Variants in ADGRG6 observed in about 807,000 individuals in gnomAD.
ADGRG6 encodes the protein G-protein coupled receptor 126.
A neutral mutation model predicts 142.4 loss-of-function variants in ADGRG6; 84 were observed. That is an observed-to-expected ratio of 0.59 (90% CI 0.49 to 0.71). ADGRG6 has a LOEUF of 0.71. ADGRG6 is among the 30% of genes least tolerant of loss of function. ADGRG6 has a pLI of 0.00. For missense variants in ADGRG6, 1,367 were observed against 1,466.6 expected (o/e 0.93, Z 1.11); for synonymous variants, 521 against 520.5 (o/e 1.00, Z -0.01).
At chr6:142,419,601 T>C (rs1168947675) in intron 21 of ADGRG6, among the ~76,000 whole-genome samples, 1 of 152,128 alleles carries the variant, frequency 6.6e-6, no homozygotes, top group Non-Finnish European at 1.5e-5. Flanking sequence ...CTTTGTAATA[T>C]TGGCTTACCT....
intron 22 of ADGRG6, among the ~76,000 whole-genome samples, chr6:142,432,896 G>T (rs1031819848): frequency 6.6e-6 from 1 of 152,090 alleles, no homozygotes; most frequent in South Asian, 2.1e-4. Context: ...GACTACTAAG[G>T]TTACAAAAGA....
chr6:142,316,920 G>A (rs972520871), intron 2 of ADGRG6, among the ~76,000 whole-genome samples: 3 of 151,994 alleles, frequency 2.0e-5, no homozygotes, highest in Admixed American at 6.6e-5. Context: ...TCTCCTGGTT[G>A]GCTCATCAGA....
At chr6:142,312,066 TC>T (rs1006871499) in intron 2 of ADGRG6, among the ~76,000 whole-genome samples, 1 of 151,990 alleles carries the variant, frequency 6.6e-6, no homozygotes, top group African/African-American at 2.4e-5. Context: ...TCCCTATCCC[TC>T]AATTCAAAGG....
chr6:142,414,222 C>G (rs1376546349), intron 18 of ADGRG6, among the ~76,000 whole-genome samples: 2 of 151,968 alleles, frequency 1.3e-5, no homozygotes, highest in Non-Finnish European at 2.9e-5. Context: ...ATTTTTCTAC[C>G]AAGTCCAGAC....
chr6:142,437,691 G>C (rs953542096), intron 23 of ADGRG6, among the ~76,000 whole-genome samples, 156 bp downstream of exon 23: 1 of 152,064 alleles, frequency 6.6e-6, no homozygotes, highest in Non-Finnish European at 1.5e-5. Context: ...ATCAGGGCTG[G>C]AAGAGATCAG....
intron 22 of ADGRG6, among the ~76,000 whole-genome samples, chr6:142,434,546 C>A (rs927698657): frequency 6.6e-6 from 1 of 152,040 alleles, no homozygotes; most frequent in Non-Finnish European, 1.5e-5. Flanking sequence ...GGCTGGTCAG[C>A]TCCTGACCTC....
intron 2 of ADGRG6, among the ~76,000 whole-genome samples, chr6:142,361,910 G>A (rs190411818): frequency 1.4e-4 from 22 of 151,956 alleles, no homozygotes; most frequent in Admixed American, 1.4e-3. Flanking sequence ...ATACCCATGT[G>A]CTTGTGTGTC....
chr6:142,389,184 C>A (rs1774740891), intron 6 of ADGRG6, among the ~76,000 whole-genome samples: 1 of 151,956 alleles, frequency 6.6e-6, no homozygotes. Context: ...ACTGGAAAGA[C>A]ATTCCTTTGG....
In ADGRG6 at chr6:142,444,142, C is replaced by G. The variant is rs1266936043; in HGVS notation, c.*627C>G. Reference sequence around the variant, plus strand: ...AAGAAAACTTTCCCAAAATGTTGACCTAGTTAAATGAGGCTATATAAATTT... The same window carrying G: ...AAGAAAACTTTCCCAAAATGTTGACGTAGTTAAATGAGGCTATATAAATTT... On this transcript the variant is annotated 3_prime_UTR_variant, in exon 25 of 25. Coordinates refer to ENST00000367609, the MANE Select transcript of ADGRG6 (RefSeq NM_198569.3). 6.6e-6 allele frequency: 1 copy of G among 152,146 alleles called. No individual in the cohort carries two copies. The highest frequency in any genetic ancestry group is 2.4e-5 in the African/African-American group (1 of 41,446). 9.4% of individuals were successfully genotyped at this position (152,146 alleles called of 1,614,324 possible).
rs1433527848 is a variant in ADGRG6 at position 142,309,531 on chromosome 6, T to G, written c.3-13T>G. 6.3e-7 allele frequency: 1 copy of G among 1,590,778 alleles called. No homozygotes were observed. Among genetic ancestry groups the G allele is most frequent in the East Asian group, 2.2e-5 (1 of 44,546 alleles). Reference sequence around the variant, plus strand: ...ATGTTGAATGTCCTAATTGCCATCTTCTTTCTTTGCAGGATGTTTCGCTCA... The same window carrying G: ...ATGTTGAATGTCCTAATTGCCATCTGCTTTCTTTGCAGGATGTTTCGCTCA... On this transcript the variant is annotated splice_polypyrimidine_tract_variant and intron_variant, in intron 1 of 24. Coordinates refer to ENST00000367609, the MANE Select transcript of ADGRG6 (RefSeq NM_198569.3).
intron 7 of ADGRG6, 148 bp downstream of exon 7, chr6:142,390,491 G>A: frequency 2.1e-6 from 1 of 465,212 alleles, no homozygotes; most frequent in Non-Finnish European, 4.0e-6. Flanking sequence ...GTGAGGTGTT[G>A]TCCTTATGCA....
intron 22 of ADGRG6, among the ~76,000 whole-genome samples, chr6:142,422,250 G>C (rs1433750314): frequency 6.6e-6 from 1 of 151,756 alleles, no homozygotes; most frequent in Non-Finnish European, 1.5e-5. Flanking sequence ...TGCCATGCTG[G>C]TGTGCTGCAC....
chr6:142,433,699 G>A (rs952569910), intron 22 of ADGRG6, among the ~76,000 whole-genome samples: 11 of 152,196 alleles, frequency 7.2e-5, no homozygotes, highest in African/African-American at 2.7e-4. Flanking sequence ...TTCACGAGGT[G>A]CTTGTTTGCT....
chr6:142,355,903 C>G (rs984481626), intron 2 of ADGRG6, among the ~76,000 whole-genome samples: 3 of 152,192 alleles, frequency 2.0e-5, no homozygotes, highest in Non-Finnish European at 4.4e-5. Flanking sequence ...TGGTGAACTT[C>G]GTGAACTTTT....
At chr6:142,344,802 C>G (rs1184152782) in intron 2 of ADGRG6, among the ~76,000 whole-genome samples, 1 of 151,894 alleles carries the variant, frequency 6.6e-6, no homozygotes, top group Non-Finnish European at 1.5e-5. Flanking sequence ...TTTAACATTT[C>G]TAATATACTG....
chr6:142,331,666 C>T (rs1269819696), intron 2 of ADGRG6, among the ~76,000 whole-genome samples: 1 of 152,102 alleles, frequency 6.6e-6, no homozygotes, highest in Non-Finnish European at 1.5e-5. Context: ...ATATTGATTA[C>T]TGTTGGCAGT....
chr6:142,358,764 G>A (rs1780575067), intron 2 of ADGRG6, among the ~76,000 whole-genome samples: 1 of 152,034 alleles, frequency 6.6e-6, no homozygotes, highest in Non-Finnish European at 1.5e-5. Flanking sequence ...AATTAGCTGG[G>A]CATGGTGGCA....
chr6:142,398,456 C>T (rs1173534721), intron 10 of ADGRG6, among the ~76,000 whole-genome samples: 1 of 152,106 alleles, frequency 6.6e-6, no homozygotes, highest in Non-Finnish European at 1.5e-5. Context: ...CTCCTTCTCT[C>T]ATGTTCCCTG....
intron 22 of ADGRG6, among the ~76,000 whole-genome samples, chr6:142,430,495 C>A (rs1254745345): frequency 6.6e-6 from 1 of 152,090 alleles, no homozygotes; most frequent in Non-Finnish European, 1.5e-5. Context: ...ATGAGAACAT[C>A]CCTTTGGCTA....
Sources: allele counts gnomAD v4.1 joint callset (sites outside exome capture counted in the v4.1 genomes callset), GRCh38; gene constraint gnomAD v4.1.1; transcripts MANE v1.5; gene names NCBI Gene and HGNC (gene_info 2026-07-23, HGNC 2026-07-21).